The following HELZ variants were observed in gnomAD, a reference collection of about 807,000 sequenced individuals.
HELZ encodes the protein ATP-dependent RNA helicase with zinc finger domain.
In HELZ, 23 loss-of-function variants were observed where a neutral mutation model predicts 218.2. The observed-to-expected ratio is 0.11, with a 90% CI of 0.08 to 0.15. The LOEUF is 0.15. HELZ is among the 10% of genes least tolerant of loss of function. The pLI is 1.00. For missense variants in HELZ, 1,813 were observed against 2,353.7 expected (o/e 0.77, Z 4.75); for synonymous variants, 814 against 829.4 (o/e 0.98, Z 0.32).
intron 20 of HELZ, 88 bp from the exon 21 acceptor site, chr17:67,145,978 A>G (rs759172511): frequency 1.5e-5 from 17 of 1,129,772 alleles, no homozygotes; most frequent in Non-Finnish European, 2.2e-5. Context: ...GTCGATTCTA[A>G]TAATATTGCC....
rs922528676 is a variant in HELZ, at chr17:67,183,858, A to G, written c.1162+4461T>C. 2.4e-4 allele frequency among the ~76,000 whole-genome samples: 36 copies of G among 148,284 alleles called. No homozygotes were observed. In the East Asian group the frequency reaches 3.5e-3, roughly 14 times the overall value. On this transcript the variant is annotated intron_variant, in intron 12 of 32. Transcript: ENST00000358691. ...TGAACCCGAATCTCCCCAACAAGGG[A>G]AAAAAAAAACTACAAAAAGCAAAAC...
At chr17:67,160,846 C>A in intron 16 of HELZ, 51 bp downstream of exon 16, 3 of 1,323,004 alleles carry the variant, frequency 2.3e-6, no homozygotes, top group South Asian at 3.1e-5. Flanking sequence ...AAAACAAGAA[C>A]AGAGGTAGTA....
In HELZ at chr17:67,204,846, T is replaced by C. The variant is rs118071589; in HGVS notation, c.248-1403A>G. Among the ~76,000 whole-genome samples, 163 of 152,276 alleles carry C rather than the reference T, an allele frequency of 1.1e-3. 2 individuals carry two copies. Among genetic ancestry groups the C allele is most frequent in the Non-Finnish European group, 1.8e-3 (124 of 68,028 alleles). On this transcript the variant is annotated intron_variant, in intron 5 of 32. Transcript: ENST00000358691. ...AGTGAAAAACTCCAATAAGGTATCA[T>C]TAAGAATGTCTTGAGTGTCTTATAA...
At chr17:67,229,047 A>G (rs1303409068) in intron 3 of HELZ, among the ~76,000 whole-genome samples, 1 of 152,154 alleles carries the variant, frequency 6.6e-6, no homozygotes, top group Admixed American at 6.5e-5. Flanking sequence ...CCAAGTGAAG[A>G]GGAAGAAAGC....
rs1350830301 is a variant in HELZ, at chr17:67,076,226, C to G, written c.*2026G>C. On this transcript the variant is annotated 3_prime_UTR_variant, in exon 33 of 33. Transcript: ENST00000358691. ...TGGGAAAATTATTTTCCATAACATC[C>G]TCACATCAGAGAGATCTAATTTTCA... The G allele has an allele frequency of 6.6e-6, 1 of 152,208 alleles. No individual in the cohort carries two copies. Among genetic ancestry groups the G allele is most frequent in the Non-Finnish European group, 1.5e-5 (1 of 68,078 alleles). 9.4% of individuals were successfully genotyped at this position (152,208 alleles called of 1,614,324 possible).
At chr17:67,147,352 G>A (rs552538188) in intron 20 of HELZ, among the ~76,000 whole-genome samples, 6 of 152,250 alleles carry the variant, frequency 3.9e-5, no homozygotes, top group African/African-American at 1.4e-4. Context: ...AACTACCACA[G>A]CTCTTGTTAC....
chr17:67,083,890 G>A (rs1004083925), intron 32 of HELZ, among the ~76,000 whole-genome samples: 1 of 152,102 alleles, frequency 6.6e-6, no homozygotes, highest in Non-Finnish European at 1.5e-5. Context: ...GTGTCAAAAC[G>A]GGAAATTCAA....
rs1053885693 is a variant in HELZ at position 67,142,933 on chromosome 17, AT to A, written c.2769+2809del. Among the ~76,000 whole-genome samples, 5 of 151,022 alleles carry A rather than the reference AT, an allele frequency of 3.3e-5. No individual in the cohort carries two copies. In the East Asian group the frequency reaches 9.8e-4, roughly 29 times the overall value. ...CACCATGCCCAGCTAATTTTTTTGTATTTTTTTTGTAGAGACGGGGTTTCAC... is the reference window on the plus strand; with the variant it reads ...CACCATGCCCAGCTAATTTTTTTGTATTTTTTTGTAGAGACGGGGTTTCAC... On this transcript the variant is annotated intron_variant, in intron 21 of 32. Coordinates refer to ENST00000358691, the MANE Select transcript of HELZ (RefSeq NM_014877.4).
intron 12 of HELZ, among the ~76,000 whole-genome samples, chr17:67,180,877 C>CAAAA (rs1019801835): frequency 2.4e-5 from 1 of 41,896 alleles, no homozygotes; most frequent in Non-Finnish European, 4.5e-5. Flanking sequence ...GACTCCATCT[C>CAAAA]AAAAAAAAAA....
At position 67,112,332 on chromosome 17, in the gene HELZ, A is replaced by G. The variant is rs550914267; in HGVS notation, c.3918+1992T>C. 4.6e-5 allele frequency among the ~76,000 whole-genome samples: 7 copies of G among 152,308 alleles called. No individual in the cohort carries two copies. The East Asian group carries it at 1.2e-3, about 25-fold the overall frequency. ...AAACAAGGACATGAGAGACACTTAG[A>G]TATCTTGGCTTCAGTTGCTCTGAGA... is the stretch of plus-strand genomic sequence containing the variant. On this transcript the variant is annotated intron_variant, in intron 28 of 32. Transcript: ENST00000358691.
intron 24 of HELZ, among the ~76,000 whole-genome samples, chr17:67,127,144 A>G (rs1269834482): frequency 1.3e-5 from 2 of 152,086 alleles, no homozygotes; most frequent in African/African-American, 4.8e-5. Flanking sequence ...CCCACCCAAT[A>G]AACTTCTGAA....
intron 5 of HELZ, among the ~76,000 whole-genome samples, chr17:67,209,120 TA>T (rs200024507): frequency 0.41 from 56,204 of 137,562 alleles, 12,149 homozygotes; most frequent in Non-Finnish European, 0.51. Context: ...CCTGGGGAAT[TA>T]AAAAAAAAAA....
At chr17:67,117,892 T>C (rs944677404) in intron 27 of HELZ, among the ~76,000 whole-genome samples, 1 of 151,694 alleles carries the variant, frequency 6.6e-6, no homozygotes, top group Admixed American at 6.6e-5. Context: ...AAAGACCTAA[T>C]AGAAAAAAAT....
At position 67,188,782 on chromosome 17, in the gene HELZ, G is replaced by A. The variant is rs2039823649; in HGVS notation, c.865-166C>T. 6.6e-6 allele frequency among the ~76,000 whole-genome samples: 1 copy of A among 152,106 alleles called. No homozygotes were observed. The highest frequency in any genetic ancestry group is 2.4e-5 in the African/African-American group (1 of 41,426). On this transcript the variant is annotated intron_variant, in intron 11 of 32. Transcript: ENST00000358691. This position sits in a 1 kb window ranked among gnomAD's most constrained non-coding sequence, Gnocchi z 4.1. ...TCAGAATGGTTTTTTAAAATCAGTT[G>A]TTAAAATTATTTATTTATGCTATAT...
In HELZ at chr17:67,123,059, C is replaced by A. The variant is rs780729729; in HGVS notation, c.3541G>T (p.Val1181Phe). The change falls in exon 26 of 33, where the codon GTT becomes TTT. Residue 1181 changes from valine (V) to phenylalanine (F), a missense_variant. Val to Phe is a conservative substitution (Grantham distance 50, BLOSUM62 -1). Coordinates refer to ENST00000358691, the MANE Select transcript of HELZ (RefSeq NM_014877.4). ...HPNLGKSPSP[V>F]QRIDPHTGTS... The stretch of plus-strand genomic sequence containing the variant: ...CCAGTGTGAGGATCTATTCTTTGAA[C>A]AGGGCTTGGAGATTTTCCCAAATTT... The A allele has an allele frequency of 3.1e-6, 5 of 1,613,356 alleles. No homozygotes were observed. The highest frequency in any genetic ancestry group is 4.2e-6 in the Non-Finnish European group (5 of 1,179,450).
At chr17:67,129,919 T>C (rs908513579) in intron 23 of HELZ, among the ~76,000 whole-genome samples, 2 of 152,132 alleles carry the variant, frequency 1.3e-5, no homozygotes, top group Admixed American at 6.5e-5. Context: ...ATAAAAGATA[T>C]GTGATATGGT....
intron 31 of HELZ, among the ~76,000 whole-genome samples, chr17:67,103,815 A>G (rs1567802124): frequency 6.6e-6 from 1 of 152,228 alleles, no homozygotes; most frequent in Non-Finnish European, 1.5e-5. Flanking sequence ...AGAACAAAAT[A>G]TAAGGACTCA....
At chr17:67,154,154 G>A (rs919810684) in intron 17 of HELZ, among the ~76,000 whole-genome samples, 3 of 152,226 alleles carry the variant, frequency 2.0e-5, no homozygotes, top group Admixed American at 6.5e-5. Context: ...TTGGCCAGGC[G>A]TGATGGCTCA....
At chr17:67,136,264 C>T in intron 22 of HELZ, 66 bp from the exon 23 acceptor site, 1 of 1,084,710 alleles carries the variant, frequency 9.2e-7, no homozygotes, top group Non-Finnish European at 1.3e-6. Context: ...ATAATAAAAG[C>T]ATTGCATTTT....
Sources: gnomAD v4.1 joint callset for allele counts (sites outside exome capture counted in the v4.1 genomes callset) on GRCh38, gnomAD v4.1.1 for gene constraint, Gnocchi (gnomAD v3.1) non-coding constraint, MANE v1.5 for transcripts, NCBI Gene and HGNC (gene_info 2026-07-23, HGNC 2026-07-21) for gene names.